The following EFCAB6 variants were observed in gnomAD, a reference collection of about 807,000 sequenced individuals.
EFCAB6 encodes EF-hand calcium binding domain 6.
EFCAB6 carries 156 observed loss-of-function variants against 169.8 expected under a neutral mutation model. That is an observed-to-expected ratio of 0.92 (90% confidence interval 0.81 to 1.05). EFCAB6 has a LOEUF of 1.05. Ranked by LOEUF, EFCAB6 falls within the 50% of genes least tolerant of loss-of-function variation. EFCAB6 has a pLI of 0.00. For missense variants in EFCAB6, 1,800 were observed against 1,829.1 expected (o/e 0.98, Z 0.29); for synonymous variants, 698 against 676.4 (o/e 1.03, Z -0.50).
At position 43,554,948 on chromosome 22, in the gene EFCAB6, G is replaced by T. The variant is rs763548253; in HGVS notation, c.3569C>A (p.Thr1190Asn). 5.0e-6 allele frequency: 8 copies of T among 1,614,140 alleles called. No homozygotes were observed. In the Admixed American group the frequency reaches 1.2e-4, roughly 24 times the overall value. Residue 1190 changes from threonine (T) to asparagine (N), a missense_variant, in exon 27 of 32, where the codon ACC becomes AAC. Thr to Asn is a moderately conservative substitution (Grantham distance 65, BLOSUM62 0). Coordinates refer to ENST00000262726, the MANE Select transcript of EFCAB6 (RefSeq NM_022785.4). ...AITQEFENFD[T>N]MKTNTISREE... ...TCTGGAGATGGTGTTCGTTTTCATG[G>T]TGTCAAAATTCTCAAACTCCTGGGT...
At chr22:43,579,402 GCATGCAGGCATCATTCTGTA>G (rs1555937937) in intron 25 of EFCAB6, among the ~76,000 whole-genome samples, 58 of 79,042 alleles carry the variant, frequency 7.3e-4, no homozygotes, top group African/African-American at 2.1e-3. Context: ...ATCATTCCCT[GCATGCAGGCATCATTCTGTA>G]CATGCAGGCA....
chr22:43,627,542 G>T (rs1271588148), intron 19 of EFCAB6, among the ~76,000 whole-genome samples: 4 of 152,204 alleles, frequency 2.6e-5, no homozygotes, highest in Non-Finnish European at 5.9e-5. Context: ...CTAAAATGCT[G>T]TTTGTTGCAC....
Position 43,795,629 on chromosome 22 carries a change from C to T in EFCAB6, c.-7-13304G>A, listed in dbSNP as rs996238929. On this transcript the variant is annotated intron_variant, in intron 2 of 31. Transcript: ENST00000262726. This position sits in a 1 kb window ranked among gnomAD's most constrained non-coding sequence, Gnocchi z 4.2. ...CAGCCTGCACTTCTCCGGCACTGTA[C>T]ATACCCCAACTTCGCATTACACTTT... 1.3e-5 allele frequency among the ~76,000 whole-genome samples: 2 copies of T among 152,172 alleles called. No homozygotes were observed. Among genetic ancestry groups the T allele is most frequent in the African/African-American group, 4.8e-5 (2 of 41,426 alleles).
intron 19 of EFCAB6, among the ~76,000 whole-genome samples, chr22:43,630,041 G>A (rs1017641862): frequency 1.3e-5 from 2 of 152,222 alleles, no homozygotes; most frequent in Non-Finnish European, 2.9e-5. Context: ...GCTCATGCCT[G>A]TAATCCCAGC....
chr22:43,782,399 T>G, intron 2 of EFCAB6, 74 bp from the exon 3 acceptor site: 5 of 1,353,978 alleles, frequency 3.7e-6, no homozygotes, highest in Non-Finnish European at 4.1e-6. Flanking sequence ...TTCCTATCTA[T>G]TCCTTTTCTG....
At position 43,668,931 on chromosome 22, in the gene EFCAB6, A is replaced by T. The variant is rs1194463977; in HGVS notation, c.1755T>A (p.Asp585Glu). Residue 585 changes from aspartate (D) to glutamate (E), a missense_variant, in exon 16 of 32, where the codon GAT (aspartate) becomes GAA (glutamate). Coordinates refer to ENST00000262726, the MANE Select transcript of EFCAB6 (RefSeq NM_022785.4). ...TTTGTAAATGTTCACTTAACAGCTG[A>T]TCCTTTGGAACAAGAACTGGAGAGA... ...PTVSPVLVPKDQLLSEHLQKD... is the reference protein window; with the variant it reads ...PTVSPVLVPKEQLLSEHLQKD... 1.2e-6 allele frequency: 2 copies of T among 1,612,678 alleles called. No individual in the cohort carries two copies. The highest frequency in any genetic ancestry group is 1.7e-6 in the Non-Finnish European group (2 of 1,179,452).
Position 43,744,124 on chromosome 22 carries a change from T to C in EFCAB6, c.508-8131A>G, listed in dbSNP as rs1322738313. 6.6e-6 allele frequency among the ~76,000 whole-genome samples: 1 copy of C among 151,530 alleles called. No homozygotes were observed. Among genetic ancestry groups the C allele is most frequent in the Non-Finnish European group, 1.5e-5 (1 of 67,882 alleles). On this transcript the variant is annotated intron_variant, in intron 6 of 31. Coordinates refer to ENST00000262726, the MANE Select transcript of EFCAB6 (RefSeq NM_022785.4). The surrounding 1 kb of genome is among the most constrained non-coding windows in gnomAD (Gnocchi z 4.3). The stretch of plus-strand genomic sequence containing the variant: ...AATGAATGAATGAATGGATGGGTTA[T>C]GGATGGATGGATGGGTAGATGGATG...
chr22:43,740,461 C>T (rs781553703), intron 6 of EFCAB6, among the ~76,000 whole-genome samples: 21 of 152,290 alleles, frequency 1.4e-4, no homozygotes, highest in East Asian at 1.9e-4. Context: ...CCTCCTCAGT[C>T]GACTGGCCCC....
intron 21 of EFCAB6, among the ~76,000 whole-genome samples, chr22:43,614,501 A>G (rs1289411961): frequency 6.6e-6 from 1 of 152,238 alleles, no homozygotes; most frequent in Non-Finnish European, 1.5e-5. Context: ...AAACCTAATT[A>G]TAAAATACAA....
rs146852429 is a variant in EFCAB6 at position 43,656,793 on chromosome 22, C to T, written c.1983+10311G>A. On this transcript the variant is annotated intron_variant, in intron 17 of 31. Coordinates refer to ENST00000262726, the MANE Select transcript of EFCAB6 (RefSeq NM_022785.4). ...CACCTAGGTTTGTTGTAAGGTTATA[C>T]CACATAGCTTAGCTGTGTAGGAGGC... Among the ~76,000 whole-genome samples the T allele has an allele frequency of 3.1e-3, 420 of 135,082 alleles. 1 individual carries two copies. The highest frequency in any genetic ancestry group is 1.0e-2 in the African/African-American group (399 of 40,026). The allele number at this position is 135,082 out of a possible 152,430, so 88.6% of individuals were successfully genotyped here. A position where few individuals can be genotyped will look rare whatever the true frequency, so the allele number is the denominator to read the frequency against.
chr22:43,604,004 T>G (rs755974236), intron 22 of EFCAB6, among the ~76,000 whole-genome samples: 6 of 152,122 alleles, frequency 3.9e-5, no homozygotes, highest in Non-Finnish European at 8.8e-5. Context: ...GGTTTGAAAG[T>G]GTGTGGCACC....
chr22:43,531,019 G>T, intron 30 of EFCAB6, 55 bp from the exon 31 acceptor site: 2 of 1,608,532 alleles, frequency 1.2e-6, no homozygotes, highest in South Asian at 1.1e-5. Flanking sequence ...GAGGGTTGGG[G>T]TGGGCTCCTC....
intron 21 of EFCAB6, among the ~76,000 whole-genome samples, chr22:43,614,422 A>C (rs2053551337): frequency 6.6e-6 from 1 of 152,206 alleles, no homozygotes; most frequent in South Asian, 2.1e-4. Flanking sequence ...CTGGACATCC[A>C]CCTTTAAATA....
Position 43,789,847 on chromosome 22 carries a change from T to A in EFCAB6, c.-7-7522A>T, listed in dbSNP as rs1468671237. Among the ~76,000 whole-genome samples, 3 of 143,404 alleles carry A rather than the reference T, an allele frequency of 2.1e-5. No individual in the cohort carries two copies. In the South Asian group the frequency reaches 6.9e-4, roughly 33 times the overall value. The allele number at this position is 143,404 out of a possible 152,430, so 94.1% of individuals were successfully genotyped here. ...CTGAGGCTCCTAAGTTGGCTAACCT[T>A]CACACACACACACACACACACACAC... On this transcript the variant is annotated intron_variant, in intron 2 of 31. Coordinates refer to ENST00000262726, the MANE Select transcript of EFCAB6 (RefSeq NM_022785.4).
chr22:43,789,847 T>TCACTCACACACACACA (rs1556414972), intron 2 of EFCAB6, among the ~76,000 whole-genome samples: 97 of 143,400 alleles, frequency 6.8e-4, no homozygotes, highest in African/African-American at 2.3e-3. Flanking sequence ...TGGCTAACCT[T>TCACTCACACACACACA]CACACACACA....
chr22:43,600,151 T>C lies in EFCAB6; in HGVS notation c.2794A>G (p.Met932Val). Residue 932 changes from methionine to valine, a missense_variant, in exon 23 of 32, where the codon ATG becomes GTG. Coordinates refer to ENST00000262726, the MANE Select transcript of EFCAB6 (RefSeq NM_022785.4). ...TGCTGTGGCTTTGTAAAATGACCCA[T>C]GAAGTTGAAATAATCCTCTGCACAG... is the stretch of plus-strand genomic sequence containing the variant. ...RPCAEDYFNFMGHFTKPQQLQ... is the reference protein window; with the variant it reads ...RPCAEDYFNFVGHFTKPQQLQ... The C allele has an allele frequency of 6.2e-7, 1 of 1,614,098 alleles. No homozygotes were observed. Among genetic ancestry groups the C allele is most frequent in the Non-Finnish European group, 8.5e-7 (1 of 1,180,014 alleles).
chr22:43,602,985 A>C (rs1314980347), intron 22 of EFCAB6, among the ~76,000 whole-genome samples: 2 of 151,734 alleles, frequency 1.3e-5, no homozygotes, highest in Non-Finnish European at 2.9e-5. Flanking sequence ...ACTATGGTTT[A>C]ATCATTTTTA....
chr22:43,565,144 G>C (rs2049340971), intron 26 of EFCAB6, among the ~76,000 whole-genome samples: 1 of 152,220 alleles, frequency 6.6e-6, no homozygotes, highest in African/African-American at 2.4e-5. Flanking sequence ...GAAGGATGAA[G>C]GAGCATTTGC....
At chr22:43,775,380 T>C (rs936087704) in intron 3 of EFCAB6, among the ~76,000 whole-genome samples, 7 of 152,182 alleles carry the variant, frequency 4.6e-5, no homozygotes, top group African/African-American at 1.7e-4. Context: ...CATCTATCAG[T>C]ATGATACATG....
Sources: allele counts gnomAD v4.1 joint callset (sites outside exome capture counted in the v4.1 genomes callset), GRCh38; gene constraint gnomAD v4.1.1; non-coding constraint Gnocchi (gnomAD v3.1); transcripts MANE v1.5; gene names NCBI Gene and HGNC (gene_info 2026-07-23, HGNC 2026-07-21).